Variants in AUTS2 observed in about 807,000 individuals in gnomAD.
AUTS2 encodes activator of transcription and developmental regulator AUTS2, also known as autism susceptibility gene 2 protein.
A neutral mutation model predicts 112.4 loss-of-function variants in AUTS2; 17 were observed. The ratio of observed to expected loss-of-function variants is 0.15; its 90% confidence interval spans 0.10 to 0.23. AUTS2 has a LOEUF of 0.23. Among genes scored for constraint, AUTS2 ranks in the 10% least tolerant of loss-of-function variants. The probability of loss-of-function intolerance (pLI) is 1.00; values close to 1 mark genes in which losing one functional copy is unlikely to be tolerated. For missense variants in AUTS2, 1,510 were observed against 1,701.6 expected, an observed-to-expected ratio of 0.89 and a Z score of 1.98; for synonymous variants, 751 against 702.7, an observed-to-expected ratio of 1.07 and a Z score of -1.09.
At chr7:70,605,693 T>C (rs1215819303) in intron 5 of AUTS2, among the ~76,000 whole-genome samples, 1 of 152,058 alleles carries the variant, frequency 6.6e-6, no homozygotes, top group Non-Finnish European at 1.5e-5. Flanking sequence ...ATAAAAGGTG[T>C]TGAAGTCAAA....
intron 1 of AUTS2, among the ~76,000 whole-genome samples, chr7:69,764,538 A>T (rs185941454): frequency 7.5e-4 from 114 of 152,050 alleles, no homozygotes; most frequent in Admixed American, 1.6e-3. Flanking sequence ...GCTGGTTGAC[A>T]CTTGGGTTGA....
intron 2 of AUTS2, among the ~76,000 whole-genome samples, chr7:69,962,172 T>A (rs1052769775): frequency 6.6e-6 from 1 of 152,102 alleles, no homozygotes; most frequent in Non-Finnish European, 1.5e-5. Context: ...TGGTATCCCT[T>A]GAGATCATTC....
At chr7:70,763,595 G>T (rs750266381) in intron 7 of AUTS2, among the ~76,000 whole-genome samples, 1 of 152,106 alleles carries the variant, frequency 6.6e-6, no homozygotes, top group Non-Finnish European at 1.5e-5. Context: ...GAGTGGAGGC[G>T]GAAGGAGAGG....
At chr7:70,470,645 C>T (rs1585183600) in intron 5 of AUTS2, among the ~76,000 whole-genome samples, 1 of 152,054 alleles carries the variant, frequency 6.6e-6, no homozygotes, top group East Asian at 1.9e-4. Context: ...AGACTTAAGT[C>T]AGTAAATGGA....
chr7:70,567,478 G>A (rs973302953), intron 5 of AUTS2, among the ~76,000 whole-genome samples: 1 of 152,096 alleles, frequency 6.6e-6, no homozygotes, highest in South Asian at 2.1e-4. Context: ...CCTTTTGGGG[G>A]CCCTGCTTTT....
intron 5 of AUTS2, among the ~76,000 whole-genome samples, chr7:70,541,431 C>T (rs73704491): frequency 0.085 from 12,865 of 152,234 alleles, 623 homozygotes; most frequent in African/African-American, 0.11. Flanking sequence ...ATCTGCTCCA[C>T]GTATATGTGT....
chr7:69,607,996 A>G (rs547625997), intron 1 of AUTS2, among the ~76,000 whole-genome samples: 1 of 152,090 alleles, frequency 6.6e-6, no homozygotes, highest in East Asian at 1.9e-4. Flanking sequence ...GTGCAGTGGT[A>G]TGCTCATGGC....
intron 1 of AUTS2, among the ~76,000 whole-genome samples, chr7:69,610,654 A>G (rs1255772241): frequency 6.6e-6 from 1 of 152,186 alleles, no homozygotes; most frequent in East Asian, 1.9e-4. Context: ...CGGTGCTTCC[A>G]GGAATAATTG....
intron 4 of AUTS2, among the ~76,000 whole-genome samples, chr7:70,196,714 A>G (rs753507417): frequency 5.3e-5 from 8 of 152,266 alleles, no homozygotes; most frequent in Non-Finnish European, 1.2e-4. Flanking sequence ...ATTCACGAAC[A>G]GTGTGAACTA....
chr7:70,213,529 A>G (rs1206103919), intron 4 of AUTS2, among the ~76,000 whole-genome samples: 1 of 136,672 alleles, frequency 7.3e-6, no homozygotes, highest in African/African-American at 2.9e-5. Context: ...GAGCAGCAAG[A>G]CCCTGTCTCA....
At chr7:69,964,585 G>A (rs949953155) in intron 2 of AUTS2, among the ~76,000 whole-genome samples, 3 of 151,922 alleles carry the variant, frequency 2.0e-5, no homozygotes. Context: ...TCCCCAGGTA[G>A]AATATCCATA....
At chr7:69,627,521 A>C (rs1794013628) in intron 1 of AUTS2, among the ~76,000 whole-genome samples, 1 of 152,108 alleles carries the variant, frequency 6.6e-6, no homozygotes, top group Admixed American at 6.6e-5. Context: ...AAACAAAAAA[A>C]AACAATAAAA....
chr7:70,088,105 C>A (rs1035316007), intron 2 of AUTS2, among the ~76,000 whole-genome samples: 1 of 150,456 alleles, frequency 6.6e-6, no homozygotes, highest in Non-Finnish European at 1.5e-5. Flanking sequence ...AAAGAACTAA[C>A]TTTTGGTTTC....
intron 1 of AUTS2, among the ~76,000 whole-genome samples, chr7:69,803,525 T>TG (rs1309247751): frequency 0.024 from 212 of 8,862 alleles, 2 homozygotes; most frequent in African/African-American, 0.11. Context: ...TTACCATCTT[T>TG]GGAAAAAAAA....
At chr7:70,220,706 C>A (rs1437732818) in intron 4 of AUTS2, among the ~76,000 whole-genome samples, 2 of 152,150 alleles carry the variant, frequency 1.3e-5, no homozygotes, top group Non-Finnish European at 2.9e-5. Context: ...GAAAAGGTAA[C>A]AGGGCATAAT....
intron 2 of AUTS2, among the ~76,000 whole-genome samples, chr7:70,010,261 T>G (rs896007159): frequency 2.0e-5 from 3 of 152,162 alleles, no homozygotes; most frequent in Admixed American, 6.5e-5. Flanking sequence ...TCCTCCCACC[T>G]CAGCCTCCCA....
chr7:69,838,777 C>T (rs145890287), intron 1 of AUTS2, among the ~76,000 whole-genome samples: 45 of 152,248 alleles, frequency 3.0e-4, no homozygotes, highest in African/African-American at 1.0e-3. Flanking sequence ...CAGGCATTGA[C>T]CATGCATTCC....
At chr7:70,716,702 G>A (rs1585561261) in intron 6 of AUTS2, among the ~76,000 whole-genome samples, 3 of 141,512 alleles carry the variant, frequency 2.1e-5, no homozygotes, top group Non-Finnish European at 4.5e-5. Context: ...TTCTCATCCA[G>A]CCTGACCTGT....
intron 5 of AUTS2, among the ~76,000 whole-genome samples, chr7:70,676,471 CAG>C: frequency 6.6e-6 from 1 of 151,942 alleles, no homozygotes; most frequent in Middle Eastern, 3.2e-3. Flanking sequence ...AAGATGTAGA[CAG>C]AGAGAGTGAG....
Sources: gnomAD v4.1 joint callset for allele counts (sites outside exome capture counted in the v4.1 genomes callset) on GRCh38, gnomAD v4.1.1 for gene constraint, MANE v1.5 for transcripts, NCBI Gene and HGNC (gene_info 2026-07-23, HGNC 2026-07-21) for gene names.